Variants in TTLL3 observed in about 807,000 individuals in gnomAD.
The protein encoded by TTLL3 is tubulin tyrosine ligase like 3.
In TTLL3, 63 loss-of-function variants were observed where a neutral mutation model predicts 75.2. The observed-to-expected ratio is 0.84, with a 90% CI of 0.68 to 1.03. TTLL3 has a LOEUF of 1.03. TTLL3 is among the 50% of genes least tolerant of loss of function. TTLL3 has a pLI of 0.00. For synonymous variants in TTLL3, 393 were observed against 418.5 expected, an observed-to-expected ratio of 0.94 and a Z score of 0.74; for missense variants, 997 against 1,069.9, an observed-to-expected ratio of 0.93 and a Z score of 0.95.
chr3:9,827,470 A>T, intron 10 of TTLL3: 1 of 639,688 alleles, frequency 1.6e-6, no homozygotes, highest in Non-Finnish European at 2.5e-6. Context: ...TGGCATGGTC[A>T]CGGCTCACTG....
chr3:9,829,720 T>A (rs2081351010), intron 11 of TTLL3, among the ~76,000 whole-genome samples: 1 of 152,196 alleles, frequency 6.6e-6, no homozygotes, highest in Admixed American at 6.5e-5. Flanking sequence ...GACAACAAGC[T>A]ATGTGACTTT....
chr3:9,827,414 AACAG>A, intron 10 of TTLL3, 174 bp downstream of exon 10: 1 of 1,223,478 alleles, frequency 8.2e-7, no homozygotes, highest in Non-Finnish European at 1.1e-6. Context: ...ATTTTTTTTT[AACAG>A]ACAGGGGGCG....
chr3:9,810,820 G>A lies in TTLL3; in HGVS notation c.48+111G>A. 1 of 1,065,484 alleles carries A rather than the reference G, an allele frequency of 9.4e-7. No homozygotes were observed. Among genetic ancestry groups the A allele is most frequent in the Non-Finnish European group, 1.3e-6 (1 of 753,018 alleles). The allele number at this position is 1,065,484 out of a possible 1,614,324, so 66.0% of individuals were successfully genotyped here. A position where few individuals can be genotyped will look rare whatever the true frequency, so the allele number is the denominator to read the frequency against. On this transcript the variant is annotated intron_variant, in intron 2 of 13. Coordinates refer to ENST00000685419, the MANE Select transcript of TTLL3 (RefSeq NM_001387446.1). The surrounding 1 kb of genome is among the most constrained non-coding windows in gnomAD (Gnocchi z 4.4). ...AACAAAAGCAAAAGAAAAAACAATA[G>A]CAAAAATCCTCAACCACCACACCCA...
At chr3:9,825,168 T>C (rs1276529988) in intron 8 of TTLL3, among the ~76,000 whole-genome samples, 1 of 151,996 alleles carries the variant, frequency 6.6e-6, no homozygotes, top group African/African-American at 2.4e-5. Context: ...CTGGGTAACA[T>C]AATAAGACCC....
chr3:9,835,617 C>A lies in TTLL3; in HGVS notation c.*128C>A. 3 of 937,456 alleles carry A rather than the reference C, an allele frequency of 3.2e-6. No homozygotes were observed. The highest frequency in any genetic ancestry group is 4.7e-6 in the Non-Finnish European group (3 of 638,090). The allele number at this position is 937,456 out of a possible 1,614,324, so 58.1% of individuals were successfully genotyped here. ...GTGGGGAGCGTGAGCCTTCACTTTACAGATGAAGAAACTGAGTCTGAAAGA... is the reference window on the plus strand; with the variant it reads ...GTGGGGAGCGTGAGCCTTCACTTTAAAGATGAAGAAACTGAGTCTGAAAGA... On this transcript the variant is annotated 3_prime_UTR_variant, in exon 14 of 14. Transcript: ENST00000685419.
intron 11 of TTLL3, 70 bp downstream of exon 11, chr3:9,829,465 C>G: frequency 6.7e-7 from 1 of 1,502,888 alleles, no homozygotes; most frequent in Non-Finnish European, 8.9e-7. Context: ...TGCAGTGGAG[C>G]ATAGGACTCT....
intron 7 of TTLL3, chr3:9,819,800 T>TTG: frequency 1.0e-6 from 1 of 985,462 alleles, no homozygotes; most frequent in Non-Finnish European, 1.2e-6. Context: ...TTGCTGTCTC[T>TTG]TGTGTGTGTC....
chr3:9,816,221 C>G lies in TTLL3; in HGVS notation c.444+19C>G. The G allele has an allele frequency of 1.5e-6, 2 of 1,340,468 alleles. No homozygotes were observed. Among genetic ancestry groups the G allele is most frequent in the Non-Finnish European group, 9.9e-7 (1 of 1,008,642 alleles). The allele number at this position is 1,340,468 out of a possible 1,614,324, so 83.0% of individuals were successfully genotyped here. A position where few individuals can be genotyped will look rare whatever the true frequency, so the allele number is the denominator to read the frequency against. On this transcript the variant is annotated intron_variant, in intron 5 of 13. Transcript: ENST00000685419. The stretch of plus-strand genomic sequence containing the variant: ...CACAAAGGTGGGCTCCCTAGAGGAG[C>G]AGGCAGGGCAGCTTCCGACCCCCTG...
chr3:9,820,874 G>A (rs547236580), intron 8 of TTLL3, 133 bp downstream of exon 8: 343 of 1,414,740 alleles, frequency 2.4e-4, no homozygotes, highest in East Asian at 1.0e-3. Flanking sequence ...AGGAACCCTC[G>A]AGGACTCCCA....
chr3:9,809,950 C>T, upstream of TTLL3: 8 of 1,287,038 alleles, frequency 6.2e-6, no homozygotes, highest in South Asian at 5.1e-5. Context: ...GAGGAGGCGG[C>T]GACGCGGAGG....
chr3:9,833,304 G>A (rs994902636), intron 12 of TTLL3, 59 bp downstream of exon 12: 5 of 1,596,666 alleles, frequency 3.1e-6, no homozygotes, highest in Admixed American at 1.8e-5. Flanking sequence ...CTGGGGCCAG[G>A]AGCCTGGGGC....
At chr3:9,809,958 A>G, upstream of TTLL3, 1 of 162,974 alleles carries the variant, frequency 6.1e-6, no homozygotes, top group Non-Finnish European at 9.1e-6. Context: ...GGCGACGCGG[A>G]GGGGCGCGGG....
chr3:9,815,118 T>C (rs2079713998), intron 4 of TTLL3, among the ~76,000 whole-genome samples: 2 of 151,634 alleles, frequency 1.3e-5, no homozygotes, highest in Admixed American at 1.3e-4. Context: ...CGCACACCTG[T>C]AATCCCAGCT....
intron 8 of TTLL3, among the ~76,000 whole-genome samples, chr3:9,821,688 A>G (rs1440776921): frequency 2.0e-5 from 3 of 152,208 alleles, no homozygotes; most frequent in African/African-American, 7.2e-5. Flanking sequence ...GAAAATGTAA[A>G]GCTGCCCATT....
intron 11 of TTLL3, among the ~76,000 whole-genome samples, chr3:9,830,182 G>C (rs1439306204): frequency 1.3e-5 from 2 of 152,146 alleles, no homozygotes; most frequent in Non-Finnish European, 2.9e-5. Flanking sequence ...CGTAGTAAAT[G>C]CTACTAAGTT....
Position 9,825,831 on chromosome 3 carries a change from C to A in TTLL3, c.886C>A (p.Gln296Lys). 1 of 1,614,174 alleles carries A rather than the reference C, an allele frequency of 6.2e-7. No homozygotes were observed. The highest frequency in any genetic ancestry group is 1.1e-5 in the South Asian group (1 of 91,080). The change falls in exon 9 of 14, where the codon CAG becomes AAG. Residue 296 changes from glutamine (Q) to lysine (K), a missense_variant. Transcript: ENST00000685419. The part of the protein sequence containing the change: ...EGAELRHLDT[Q>K]VQRCEDILQQ... Reference sequence around the variant, plus strand: ...GGCAGAACTCAGGCACCTCGACACTCAGGTCCAGCGCTGTGAGGACATCCT... The same window carrying A: ...GGCAGAACTCAGGCACCTCGACACTAAGGTCCAGCGCTGTGAGGACATCCT...
intron 5 of TTLL3, chr3:9,817,291 T>G (rs900846093): frequency 4.5e-6 from 1 of 223,074 alleles, no homozygotes; most frequent in Non-Finnish European, 7.5e-6. Context: ...GGATGTGGTG[T>G]CGGGCGCCTG....
intron 8 of TTLL3, among the ~76,000 whole-genome samples, chr3:9,822,744 T>TTATAA (rs397965556): frequency 1.4e-5 from 2 of 141,378 alleles, no homozygotes; most frequent in Admixed American, 7.5e-5. Flanking sequence ...ATTATATATA[T>TTATAA]TATAATATAT....
intron 5 of TTLL3, 101 bp from the exon 6 acceptor site, chr3:9,817,544 A>G (rs1682472561): frequency 1.3e-6 from 2 of 1,593,224 alleles, no homozygotes; most frequent in East Asian, 4.5e-5. Flanking sequence ...AAGCGGGGCC[A>G]AGGCTCTGAG....
Sources: gnomAD v4.1 joint callset for allele counts (sites outside exome capture counted in the v4.1 genomes callset) on GRCh38, gnomAD v4.1.1 for gene constraint, Gnocchi (gnomAD v3.1) non-coding constraint, MANE v1.5 for transcripts, NCBI Gene and HGNC (gene_info 2026-07-23, HGNC 2026-07-21) for gene names.